Variants in ACSM2A observed in about 807,000 individuals in gnomAD.
ACSM2A encodes the protein acyl-CoA synthetase medium chain family member 2A, also known as acyl-coenzyme A synthetase ACSM2A, mitochondrial.
Under a neutral mutation model 76.6 loss-of-function variants are expected in ACSM2A, and 72 were observed. The observed-to-expected ratio is 0.94, with a 90% CI of 0.78 to 1.14. ACSM2A has a LOEUF of 1.14. ACSM2A is among the 50% of genes most tolerant of loss of function. The probability of loss-of-function intolerance (pLI) is 0.00; values close to 1 mark genes in which losing one functional copy is unlikely to be tolerated. For missense variants in ACSM2A, 684 were observed against 708.5 expected (o/e 0.97, Z 0.39); for synonymous variants, 249 against 255.9 (o/e 0.97, Z 0.26).
chr16:20,486,920 A>G lies in ACSM2A; in HGVS notation c.*242A>G. ...AAAAGGAAAGAAAAGTAAGTCAGGG[A>G]AATATTAAAACTGCAAGGGAAAGCA... On this transcript the variant is annotated 3_prime_UTR_variant, in exon 14 of 14. Coordinates refer to ENST00000573854, the MANE Select transcript of ACSM2A (RefSeq NM_001308172.2). 1 of 417,938 alleles carries G rather than the reference A, an allele frequency of 2.4e-6. No homozygotes were observed. Among genetic ancestry groups the G allele is most frequent in the Admixed American group, 4.1e-5 (1 of 24,558 alleles). The allele number at this position is 417,938 out of a possible 1,614,324, so 25.9% of individuals were successfully genotyped here.
Position 20,486,712 on chromosome 16 carries a change from T to C in ACSM2A, c.*34T>C. The C allele has an allele frequency of 6.2e-7, 1 of 1,609,628 alleles. No individual in the cohort carries two copies. The highest frequency in any genetic ancestry group is 8.5e-7 in the Non-Finnish European group (1 of 1,176,166). On this transcript the variant is annotated 3_prime_UTR_variant, in exon 14 of 14. Transcript: ENST00000573854. ...AGAGACATTCATTTGGATTCCCCTC[T>C]TCTTTCTCTTTCTTTTCCCTTTGGG...
intron 3 of ACSM2A, 141 bp downstream of exon 3, chr16:20,465,868 A>G (rs969319087): frequency 9.7e-5 from 138 of 1,426,796 alleles, no homozygotes; most frequent in Non-Finnish European, 1.2e-4. Flanking sequence ...ACATCTCCCT[A>G]CTTCCACTTA....
At chr16:20,461,255 C>T (rs1352659455) in intron 2 of ACSM2A, among the ~76,000 whole-genome samples, 3 of 149,292 alleles carry the variant, frequency 2.0e-5, no homozygotes, top group East Asian at 2.0e-4. Flanking sequence ...TTGCAAATGC[C>T]TTGCCTCTAG....
At chr16:20,463,120 T>C (rs189737535) in intron 2 of ACSM2A, among the ~76,000 whole-genome samples, 1 of 149,298 alleles carries the variant, frequency 6.7e-6, no homozygotes, top group African/African-American at 2.4e-5. Flanking sequence ...TTAGGCGATA[T>C]ACCTAATGTT....
intron 1 of ACSM2A, among the ~76,000 whole-genome samples, chr16:20,459,422 T>G (rs1233964044): frequency 6.6e-6 from 1 of 152,228 alleles, no homozygotes; most frequent in Non-Finnish European, 1.5e-5. Context: ...TAGCATTTGC[T>G]ACAGTAACAA....
chr16:20,480,466 G>A, intron 10 of ACSM2A, 107 bp from the exon 11 acceptor site: 2 of 1,515,476 alleles, frequency 1.3e-6, no homozygotes, highest in Non-Finnish European at 1.8e-6. Flanking sequence ...GTTATACACT[G>A]CACACCTGCA....
In ACSM2A at chr16:20,475,781, T is replaced by A; in HGVS notation, c.1098+8T>A. On this transcript the variant is annotated splice_region_variant and intron_variant, in intron 8 of 13. Coordinates refer to ENST00000573854, the MANE Select transcript of ACSM2A (RefSeq NM_001308172.2). The stretch of plus-strand genomic sequence containing the variant: ...TATGGCCAGACAGAAACGGTACCTG[T>A]TCCCAGGGGAACCATGGGCTGTGTG... 1 of 1,613,450 alleles carries A rather than the reference T, an allele frequency of 6.2e-7. No individual in the cohort carries two copies. The highest frequency in any genetic ancestry group is 8.5e-7 in the Non-Finnish European group (1 of 1,179,656).
intron 2 of ACSM2A, among the ~76,000 whole-genome samples, chr16:20,463,236 A>T (rs1047521197): frequency 1.3e-5 from 2 of 152,300 alleles, no homozygotes; most frequent in East Asian, 3.9e-4. Context: ...TATAATAATA[A>T]AAAAAGAAAT....
At chr16:20,463,217 A>C (rs1382297382) in intron 2 of ACSM2A, among the ~76,000 whole-genome samples, 2 of 151,240 alleles carry the variant, frequency 1.3e-5, no homozygotes, top group Non-Finnish European at 3.0e-5. Context: ...TGTACCCTAA[A>C]ACTTAAAGTA....
intron 9 of ACSM2A, among the ~76,000 whole-genome samples, chr16:20,478,373 A>G (rs905753224): frequency 2.0e-5 from 3 of 152,192 alleles, no homozygotes; most frequent in Non-Finnish European, 1.5e-5. Flanking sequence ...CAGTCTCAAT[A>G]AAAGGATTCA....
intron 2 of ACSM2A, 60 bp downstream of exon 2, chr16:20,460,351 C>G: frequency 6.4e-7 from 1 of 1,560,806 alleles, no homozygotes; most frequent in Non-Finnish European, 8.6e-7. Flanking sequence ...AAAATTCATC[C>G]ATTAATTCAG....
At position 20,486,669 on chromosome 16, in the gene ACSM2A, T is replaced by C; in HGVS notation, c.1725T>C (p.Arg575=). The change falls in exon 14 of 14, where the codon CGT becomes CGC. Residue 575 remains arginine (R), a synonymous_variant. Transcript: ENST00000573854. ...DKEWKMSGKA[R]AQ ...AGTGGAAGATGTCCGGAAAAGCCCG[T>C]GCGCAGTGAGACATCTAAGAGACAT... 1 of 1,614,176 alleles carries C rather than the reference T, an allele frequency of 6.2e-7. No homozygotes were observed. Among genetic ancestry groups the C allele is most frequent in the Non-Finnish European group, 8.5e-7 (1 of 1,180,016 alleles).
rs144713826 is a variant in ACSM2A at position 20,457,154 on chromosome 16, G to A, written c.-8-2953G>A. On this transcript the variant is annotated intron_variant, in intron 1 of 13. Transcript: ENST00000573854. ...AATAACAAGCAGCGAGATTAAAATG[G>A]TAATACAAAAATTATCAACAACAAC... 3.1e-3 allele frequency among the ~76,000 whole-genome samples: 474 copies of A among 151,744 alleles called. 2 individuals carry two copies. The highest frequency in any genetic ancestry group is 0.011 in the African/African-American group (456 of 41,446).
chr16:20,459,182 C>T (rs1379863248), intron 1 of ACSM2A, among the ~76,000 whole-genome samples: 2 of 151,766 alleles, frequency 1.3e-5, no homozygotes, highest in African/African-American at 4.8e-5. Context: ...TAAAAGGGTA[C>T]AAAGTGGGTT....
chr16:20,486,758 A>G lies in ACSM2A; in HGVS notation c.*80A>G. On this transcript the variant is annotated 3_prime_UTR_variant, in exon 14 of 14. Transcript: ENST00000573854. ...TTGGGCCCTTGGCCTTCCTATGATT[A>G]TATGAGATTCTTTATGGAAGAACAT... The G allele has an allele frequency of 2.0e-6, 3 of 1,468,952 alleles. No homozygotes were observed. The highest frequency in any genetic ancestry group is 1.8e-4 in the Middle Eastern group (1 of 5,642). The allele number at this position is 1,468,952 out of a possible 1,614,324, so 91.0% of individuals were successfully genotyped here. A position where few individuals can be genotyped will look rare whatever the true frequency, so the allele number is the denominator to read the frequency against.
chr16:20,470,512 C>A (rs1208157034), intron 4 of ACSM2A, among the ~76,000 whole-genome samples: 1 of 152,184 alleles, frequency 6.6e-6, no homozygotes, highest in Non-Finnish European at 1.5e-5. Context: ...CTTTTCCTTT[C>A]TAATGCCATG....
intron 13 of ACSM2A, among the ~76,000 whole-genome samples, chr16:20,484,691 T>C (rs1293352011): frequency 6.6e-6 from 1 of 150,404 alleles, no homozygotes; most frequent in Non-Finnish European, 1.5e-5. Context: ...GCCAATCCCA[T>C]GGGAGTTCTG....
intron 9 of ACSM2A, 122 bp downstream of exon 9, chr16:20,477,571 A>G: frequency 6.9e-7 from 1 of 1,447,182 alleles, no homozygotes; most frequent in African/African-American, 1.4e-5. Context: ...ATAACATAAG[A>G]AAAAAAGGAG....
chr16:20,475,039 G>C (rs893489887), intron 6 of ACSM2A, among the ~76,000 whole-genome samples: 20 of 147,968 alleles, frequency 1.4e-4, no homozygotes, highest in Admixed American at 4.7e-4. Flanking sequence ...CTTAGTTGCT[G>C]GGGGGTGATC....
Sources: gnomAD v4.1 joint callset for allele counts (sites outside exome capture counted in the v4.1 genomes callset) on GRCh38, gnomAD v4.1.1 for gene constraint, MANE v1.5 for transcripts, NCBI Gene and HGNC (gene_info 2026-07-23, HGNC 2026-07-21) for gene names.